The following HNRNPH3 variants were observed in gnomAD, a reference collection of about 807,000 sequenced individuals.
HNRNPH3 encodes the protein heterogeneous nuclear ribonucleoprotein H3, also known as heterogeneous nuclear ribonucleoprotein 2H9.
HNRNPH3 carries 7 observed loss-of-function variants against 47.0 expected under a neutral mutation model. The ratio of observed to expected loss-of-function variants is 0.15; its 90% CI spans 0.08 to 0.28. The LOEUF (loss-of-function observed/expected upper bound fraction) is 0.28. Among genes scored for constraint, HNRNPH3 ranks in the 10% least tolerant of loss-of-function variants. The pLI, the probability that HNRNPH3 is intolerant of heterozygous loss-of-function variation, is 1.00. For synonymous variants in HNRNPH3, 120 were observed against 143.2 expected (o/e 0.84, Z 1.16); for missense variants, 279 against 449.6 (o/e 0.62, Z 3.43).
chr10:68,341,902 T>TTAAAG, intron 9 of HNRNPH3, 51 bp downstream of exon 9: 1 of 1,593,706 alleles, frequency 6.3e-7, no homozygotes, highest in Non-Finnish European at 8.6e-7. Context: ...AGTGCAAACT[T>TTAAAG]TAAAGTGCAG....
At position 68,342,199 on chromosome 10, in the gene HNRNPH3, T is replaced by G. The variant is rs2046009233; in HGVS notation, c.*145T>G. The G allele has an allele frequency of 3.5e-6, 2 of 574,546 alleles. No individual in the cohort carries two copies. The highest frequency in any genetic ancestry group is 6.0e-6 in the Non-Finnish European group (2 of 334,900). The allele number at this position is 574,546 out of a possible 1,614,324, so 35.6% of individuals were successfully genotyped here. A position where few individuals can be genotyped will look rare whatever the true frequency, so the allele number is the denominator to read the frequency against. On this transcript the variant is annotated 3_prime_UTR_variant, in exon 10 of 10. Transcript: ENST00000265866. Reference sequence around the variant, plus strand: ...AATATTATTTGGTAAAGCAACAGATTGTGATGGGAAAATGTTTTCTGTAGG... The same window carrying G: ...AATATTATTTGGTAAAGCAACAGATGGTGATGGGAAAATGTTTTCTGTAGG...
rs1162756 is a variant in HNRNPH3, at chr10:68,343,179, T to G, written c.*1125T>G. On this transcript the variant is annotated 3_prime_UTR_variant, in exon 10 of 10. Transcript: ENST00000265866. The stretch of plus-strand genomic sequence containing the variant: ...CCAGAAATGTTATTAATAAATGTCA[T>G]TGTGGGAGATAATAGTATGGCGTCT... 2.0e-5 allele frequency: 3 copies of G among 152,294 alleles called. No individual in the cohort carries two copies. The highest frequency in any genetic ancestry group is 7.2e-5 in the African/African-American group (3 of 41,534). The allele number at this position is 152,294 out of a possible 1,614,324, so 9.4% of individuals were successfully genotyped here.
At chr10:68,339,332 A>G (rs1235153918) in intron 5 of HNRNPH3, 106 bp downstream of exon 5, 1 of 1,551,054 alleles carries the variant, frequency 6.4e-7, no homozygotes, top group Non-Finnish European at 8.8e-7. Context: ...AATTCAGACA[A>G]ATTTCAGTGC....
rs952697159 is a variant in HNRNPH3, at chr10:68,342,301, G to A, written c.*247G>A. The A allele has an allele frequency of 1.1e-4, 43 of 393,800 alleles. No homozygotes were observed. Among genetic ancestry groups the A allele is most frequent in the African/African-American group, 8.6e-4 (41 of 47,708 alleles). 24.4% of individuals were successfully genotyped at this position (393,800 alleles called of 1,614,324 possible). On this transcript the variant is annotated 3_prime_UTR_variant, in exon 10 of 10. Coordinates refer to ENST00000265866, the MANE Select transcript of HNRNPH3 (RefSeq NM_012207.3). ...TGATGTTGATACTTTTTATATACTA[G>A]TTACTCCTAAAGATGTGCTGCCTTC...
intron 5 of HNRNPH3, 87 bp from the exon 6 acceptor site, chr10:68,339,353 A>G (rs2045715919): frequency 2.0e-6 from 3 of 1,511,542 alleles, no homozygotes; most frequent in Non-Finnish European, 2.7e-6. Flanking sequence ...ATTCCTATAT[A>G]GAGCTTTATA....
rs1464214695 is a variant in HNRNPH3, at chr10:68,341,574, T to C, written c.776-11T>C. The C allele has an allele frequency of 6.4e-7, 1 of 1,571,162 alleles. No individual in the cohort carries two copies. The highest frequency in any genetic ancestry group is 8.7e-7 in the Non-Finnish European group (1 of 1,148,572). On this transcript the variant is annotated splice_polypyrimidine_tract_variant and intron_variant, in intron 7 of 9. Coordinates refer to ENST00000265866, the MANE Select transcript of HNRNPH3 (RefSeq NM_012207.3). ...CTTTCTCCCCTGTTACTCTTTCTTT[T>C]TTTCTTAAAGAACATCGATATATTG... is the stretch of plus-strand genomic sequence containing the variant.
In HNRNPH3 at chr10:68,342,953, T is replaced by A. The variant is rs1446050494; in HGVS notation, c.*899T>A. On this transcript the variant is annotated 3_prime_UTR_variant, in exon 10 of 10. Transcript: ENST00000265866. ...TGTAAGCAACAAGTCCATGTCATAG[T>A]CAATAAAAACAATCCTGCAGTTGGG... The A allele has an allele frequency of 1.3e-5, 2 of 152,214 alleles. No homozygotes were observed. Among genetic ancestry groups the A allele is most frequent in the Non-Finnish European group, 1.5e-5 (1 of 68,034 alleles). The allele number at this position is 152,214 out of a possible 1,614,324, so 9.4% of individuals were successfully genotyped here.
At chr10:68,335,037 A>C (rs1258902669) in intron 1 of HNRNPH3, among the ~76,000 whole-genome samples, 1 of 152,000 alleles carries the variant, frequency 6.6e-6, no homozygotes, top group Non-Finnish European at 1.5e-5. Context: ...AAGTGTTCCG[A>C]GTTCGGTTGG....
chr10:68,331,893 C>G (rs773608215), upstream of HNRNPH3: 13 of 152,350 alleles, frequency 8.5e-5, no homozygotes, highest in South Asian at 4.1e-4. Context: ...AGCCTCTGCT[C>G]GGTCTACCTC....
In HNRNPH3 at chr10:68,341,793, G is replaced by T. The variant is rs2045971352; in HGVS notation, c.906G>T (p.Met302Ile). 2 of 1,609,706 alleles carry T rather than the reference G, an allele frequency of 1.2e-6. No homozygotes were observed. Among genetic ancestry groups the T allele is most frequent in the Non-Finnish European group, 8.5e-7 (1 of 1,178,366 alleles). The stretch of plus-strand genomic sequence containing the variant: ...GAGGCTATGGATCAGTTGGAAGAAT[G>T]GGAATGGGGAACAATTACAGTGGAG... ...NQGGYGSVGR[M>I]GMGNNYSGGY... The change falls in exon 9 of 10, where the codon ATG becomes ATT. Residue 302 changes from methionine (M) to isoleucine (I), a missense_variant. Physicochemically the swap from Met to Ile is conservative, Grantham distance 10. Around this residue, in one of 2 missense-constraint regions of HNRNPH3, gnomAD observed 239 missense variants for 335.8 expected, o/e 0.71. Transcript: ENST00000265866.
Position 68,342,224 on chromosome 10 carries a change from GTTTA to G in HNRNPH3, c.*174_*177del, listed in dbSNP as rs2046010671. The stretch of plus-strand genomic sequence containing the variant: ...TGTGATGGGAAAATGTTTTCTGTAG[GTTTA>G]TTTGTTGCATACTTTGACTTAAAAA... On this transcript the variant is annotated 3_prime_UTR_variant, in exon 10 of 10. Transcript: ENST00000265866. 1 of 524,860 alleles carries G rather than the reference GTTTA, an allele frequency of 1.9e-6. No homozygotes were observed. The allele number at this position is 524,860 out of a possible 1,614,324, so 32.5% of individuals were successfully genotyped here.
rs1197836479 is a variant in HNRNPH3, at chr10:68,341,195, A to G, written c.661A>G (p.Ile221Val). 7.6e-6 allele frequency: 12 copies of G among 1,583,752 alleles called. No homozygotes were observed. The highest frequency in any genetic ancestry group is 2.3e-5 in the South Asian group (2 of 85,486). ...IANFFSPLNP[I>V]RVHIDIGADG... ...TTAGTTCTTCTCACCACTAAATCCA[A>G]TACGAGTTCATATTGATATTGGAGC... The change falls in exon 7 of 10, where the codon ATA becomes GTA. Residue 221 changes from isoleucine (I) to valine (V), a missense_variant. By Grantham distance (29) the Ile-to-Val change is conservative (BLOSUM62 3). This residue lies in a region of HNRNPH3 where 239 missense variants were observed against 335.8 expected (regional missense o/e 0.71). Transcript: ENST00000265866.
intron 4 of HNRNPH3, 143 bp from the exon 5 acceptor site, chr10:68,338,997 C>T (rs1042839926): frequency 8.6e-5 from 51 of 590,228 alleles, no homozygotes; most frequent in Middle Eastern, 4.3e-4. Context: ...ACGTTGACTG[C>T]TTTTTTCATA....
chr10:68,332,442 G>A lies in HNRNPH3; in HGVS notation c.-24+226G>A, dbSNP rs1483528732. On this transcript the variant is annotated intron_variant, in intron 1 of 9. Coordinates refer to ENST00000265866, the MANE Select transcript of HNRNPH3 (RefSeq NM_012207.3). The stretch of plus-strand genomic sequence containing the variant: ...CAGGTGGAATTCAGTGGACGACGCC[G>A]AGGCCCGAAGTAGGGGACATCCAGC... 2.0e-5 allele frequency among the ~76,000 whole-genome samples: 3 copies of A among 152,228 alleles called. No homozygotes were observed. In the East Asian group the frequency reaches 5.8e-4, roughly 29 times the overall value.
intron 1 of HNRNPH3, among the ~76,000 whole-genome samples, chr10:68,334,760 A>T (rs2045448619): frequency 6.6e-6 from 1 of 152,210 alleles, no homozygotes; most frequent in Admixed American, 6.5e-5. Context: ...TTTTATTGGT[A>T]CTAGCACCTA....
chr10:68,337,036 C>G lies in HNRNPH3; in HGVS notation c.-23-163C>G, dbSNP rs2045580579. 2.1e-6 allele frequency: 1 copy of G among 484,766 alleles called. No homozygotes were observed. The allele number at this position is 484,766 out of a possible 1,614,324, so 30.0% of individuals were successfully genotyped here. On this transcript the variant is annotated intron_variant, in intron 1 of 9. Transcript: ENST00000265866. This position sits in a 1 kb window ranked among gnomAD's most constrained non-coding sequence, Gnocchi z 4.5. ...CAGGTCTCATTGCCTTTTCCGTACC[C>G]CAAAATATGAAAGGTGGTCTACAAT...
Position 68,337,884 on chromosome 10 carries a change from A to G in HNRNPH3, c.139A>G (p.Thr47Ala). The G allele has an allele frequency of 1.2e-6, 2 of 1,613,630 alleles. No individual in the cohort carries two copies. The highest frequency in any genetic ancestry group is 1.7e-6 in the Non-Finnish European group (2 of 1,179,624). ...QGLEIVPNGI[T>A]LTMDYQGRST... Reference sequence around the variant, plus strand: ...GTTGGAAATCGTGCCAAATGGGATAACATTGACGATGGACTACCAGGGGAG... The same window carrying G: ...GTTGGAAATCGTGCCAAATGGGATAGCATTGACGATGGACTACCAGGGGAG... The change falls in exon 3 of 10, where the codon ACA (threonine) becomes GCA (alanine). Residue 47 changes from threonine to alanine, a missense_variant. By Grantham distance (58) the Thr-to-Ala change is moderately conservative. Coordinates refer to ENST00000265866, the MANE Select transcript of HNRNPH3 (RefSeq NM_012207.3). The surrounding 1 kb of genome is among the most constrained non-coding windows in gnomAD (Gnocchi z 4.5).
chr10:68,341,806 A>G lies in HNRNPH3; in HGVS notation c.919A>G (p.Asn307Asp). The change falls in exon 9 of 10, where the codon AAT (asparagine) becomes GAT (aspartate). Residue 307 changes from asparagine to aspartate, a missense_variant. Physicochemically the swap from Asn to Asp is conservative, Grantham distance 23. This residue lies in a region of HNRNPH3 where 239 missense variants were observed against 335.8 expected (regional missense o/e 0.71). Transcript: ENST00000265866. ...GSVGRMGMGN[N>D]YSGGYGTPDG... Reference sequence around the variant, plus strand: ...AGTTGGAAGAATGGGAATGGGGAACAATTACAGTGGAGGATATGGTACTCC... The same window carrying G: ...AGTTGGAAGAATGGGAATGGGGAACGATTACAGTGGAGGATATGGTACTCC... 1.2e-6 allele frequency: 2 copies of G among 1,610,944 alleles called. No individual in the cohort carries two copies. The highest frequency in any genetic ancestry group is 1.7e-6 in the Non-Finnish European group (2 of 1,178,728).
At chr10:68,338,416 T>C (rs1222829349) in intron 3 of HNRNPH3, 87 bp from the exon 4 acceptor site, 16 of 712,296 alleles carry the variant, frequency 2.2e-5, no homozygotes, top group Admixed American at 8.6e-5. Context: ...TATCTAGATA[T>C]AGAAAAACTT....
Sources: gnomAD v4.1 joint callset for allele counts (sites outside exome capture counted in the v4.1 genomes callset) on GRCh38, gnomAD v4.1.1 for gene constraint, gnomAD v4.1.1 regional missense constraint, Gnocchi (gnomAD v3.1) non-coding constraint, MANE v1.5 for transcripts, NCBI Gene and HGNC (gene_info 2026-07-23, HGNC 2026-07-21) for gene names.